Variants in TTLL5 observed in about 807,000 individuals in gnomAD.
The protein encoded by TTLL5 is tubulin polyglutamylase TTLL5.
A neutral mutation model predicts 168.4 loss-of-function variants in TTLL5; 132 were observed. The ratio of observed to expected loss-of-function variants is 0.78; its 90% CI spans 0.68 to 0.91. The LOEUF is 0.91. Ranked by LOEUF, TTLL5 falls within the 40% of genes least tolerant of loss-of-function variation. TTLL5 has a pLI of 0.00. For missense variants in TTLL5, 1,545 were observed against 1,581.5 expected (o/e 0.98, Z 0.39); for synonymous variants, 546 against 558.6 (o/e 0.98, Z 0.32).
chr14:75,919,251 T>C lies in TTLL5; in HGVS notation c.3823+17027T>C, dbSNP rs557694057. On this transcript the variant is annotated intron_variant, in intron 31 of 31. Coordinates refer to ENST00000298832, the MANE Select transcript of TTLL5 (RefSeq NM_015072.5). ...AAAGAAAAAGAAAAGAAAAGCTTCC[T>C]TGTGCTCAGGTCTTTGCTGAGATTC... is the stretch of plus-strand genomic sequence containing the variant. 1.1e-4 allele frequency among the ~76,000 whole-genome samples: 16 copies of C among 149,022 alleles called. No homozygotes were observed. In the East Asian group the frequency reaches 2.5e-3, roughly 24 times the overall value.
intron 31 of TTLL5, among the ~76,000 whole-genome samples, chr14:75,947,146 G>C (rs984399841): frequency 6.6e-6 from 1 of 152,200 alleles, no homozygotes; most frequent in Non-Finnish European, 1.5e-5. Context: ...TGCTATATCA[G>C]GCAGGGACAA....
intron 5 of TTLL5, chr14:75,689,941 CAT>C (rs1196880148): frequency 8.1e-6 from 3 of 371,956 alleles, no homozygotes; most frequent in Non-Finnish European, 1.4e-5. Flanking sequence ...TGTCCAAACT[CAT>C]AGAATTACAC....
intron 31 of TTLL5, among the ~76,000 whole-genome samples, chr14:75,925,895 C>G (rs190331569): frequency 6.6e-6 from 1 of 152,056 alleles, no homozygotes; most frequent in Non-Finnish European, 1.5e-5. Flanking sequence ...CAAAAAAGTA[C>G]GAAAACCAGT....
At chr14:75,824,728 T>TG (rs1491400103) in intron 28 of TTLL5, among the ~76,000 whole-genome samples, 4 of 98,356 alleles carry the variant, frequency 4.1e-5, no homozygotes, top group African/African-American at 2.1e-4. Context: ...AAATTATGTG[T>TG]TTTTTTTTTT....
chr14:75,799,046 A>AG (rs936832316), intron 27 of TTLL5, among the ~76,000 whole-genome samples: 1 of 152,050 alleles, frequency 6.6e-6, no homozygotes, highest in Non-Finnish European at 1.5e-5. Flanking sequence ...TGACCTGCCT[A>AG]GTGCTGTCAG....
At chr14:75,697,367 A>G (rs1885946582) in intron 6 of TTLL5, among the ~76,000 whole-genome samples, 1 of 152,248 alleles carries the variant, frequency 6.6e-6, no homozygotes, top group Non-Finnish European at 1.5e-5. Context: ...GAGTAGAACT[A>G]GAGGATATAG....
At chr14:75,685,593 T>G (rs919715476) in intron 5 of TTLL5, among the ~76,000 whole-genome samples, 1 of 152,152 alleles carries the variant, frequency 6.6e-6, no homozygotes, top group Non-Finnish European at 1.5e-5. Flanking sequence ...GAGAGTGCAT[T>G]CTTTTTCTTA....
rs2035055601 is a variant in TTLL5 at position 75,954,479 on chromosome 14, C to T, written c.*33C>T. ...ACACACAGAGAAACAACCTGTTCAC[C>T]ACTCCTGGGTGCATGATTGAGGGTG... On this transcript the variant is annotated 3_prime_UTR_variant, in exon 32 of 32. Transcript: ENST00000298832. 3.7e-6 allele frequency: 6 copies of T among 1,612,668 alleles called. No homozygotes were observed. The highest frequency in any genetic ancestry group is 5.1e-6 in the Non-Finnish European group (6 of 1,178,868).
At chr14:75,718,013 G>A in intron 10 of TTLL5, 51 bp downstream of exon 10, 3 of 1,542,808 alleles carry the variant, frequency 1.9e-6, no homozygotes, top group Non-Finnish European at 2.7e-6. Context: ...TCAGATGTGG[G>A]TGTTGTAGAG....
At chr14:75,667,886 G>A (rs1229013196) in intron 2 of TTLL5, among the ~76,000 whole-genome samples, 9 of 148,686 alleles carry the variant, frequency 6.1e-5, no homozygotes, top group Admixed American at 1.4e-4. Flanking sequence ...TCAGCCTCCC[G>A]AGTAGCTGGG....
At chr14:75,949,483 T>A (rs961431367) in intron 31 of TTLL5, among the ~76,000 whole-genome samples, 1 of 147,854 alleles carries the variant, frequency 6.8e-6, no homozygotes, top group East Asian at 1.9e-4. Context: ...ATATAAAGAA[T>A]ATATATATAT....
intron 28 of TTLL5, among the ~76,000 whole-genome samples, chr14:75,856,152 C>T (rs574348002): frequency 3.3e-5 from 5 of 152,334 alleles, no homozygotes; most frequent in East Asian, 3.9e-4. Flanking sequence ...CACCTGAGGT[C>T]GGGAGTTCAA....
chr14:75,954,183 G>T lies in TTLL5; in HGVS notation c.3824-241G>T, dbSNP rs113326663. Among the ~76,000 whole-genome samples, 28 of 149,562 alleles carry T rather than the reference G, an allele frequency of 1.9e-4. 1 individual carries two copies. Among genetic ancestry groups the T allele is most frequent in the African/African-American group, 6.9e-4 (28 of 40,586 alleles). ...CAGGAGAATGGTGTGAACCCGGGAGGCGGAGCTTGCAGTGAGCCGAGATCG... is the reference window on the plus strand; with the variant it reads ...CAGGAGAATGGTGTGAACCCGGGAGTCGGAGCTTGCAGTGAGCCGAGATCG... On this transcript the variant is annotated intron_variant, in intron 31 of 31. Coordinates refer to ENST00000298832, the MANE Select transcript of TTLL5 (RefSeq NM_015072.5).
At chr14:75,935,023 A>C (rs1479321378) in intron 31 of TTLL5, among the ~76,000 whole-genome samples, 1 of 152,224 alleles carries the variant, frequency 6.6e-6, no homozygotes, top group Non-Finnish European at 1.5e-5. Flanking sequence ...ACTTTACAAG[A>C]GAAGGATTGG....
chr14:75,740,916 A>G (rs1354632957), intron 15 of TTLL5, among the ~76,000 whole-genome samples: 3 of 152,186 alleles, frequency 2.0e-5, no homozygotes. Context: ...TTCTCTGTCA[A>G]GCAAATTTTG....
chr14:75,909,451 C>G (rs1002231230), intron 31 of TTLL5, among the ~76,000 whole-genome samples: 4 of 151,752 alleles, frequency 2.6e-5, no homozygotes, highest in African/African-American at 9.7e-5. Flanking sequence ...GCTTTTCCCC[C>G]CACTGCTGTC....
intron 20 of TTLL5, among the ~76,000 whole-genome samples, chr14:75,769,698 C>T (rs1321055978): frequency 6.6e-6 from 1 of 152,174 alleles, no homozygotes; most frequent in Non-Finnish European, 1.5e-5. Context: ...GTGTCTGAAA[C>T]ATGCTATTTC....
intron 27 of TTLL5, among the ~76,000 whole-genome samples, chr14:75,815,415 G>C (rs997683161): frequency 6.6e-6 from 1 of 152,174 alleles, no homozygotes; most frequent in African/African-American, 2.4e-5. Context: ...AATCACAGTG[G>C]CTGCCACTTC....
rs202149877 is a variant in TTLL5, at chr14:75,763,253, C to CTGTGTGTG, written c.1551-1361_1551-1360insGTGTGTGT. Among the ~76,000 whole-genome samples the CTGTGTGTG allele has an allele frequency of 8.9e-3, 1,298 of 145,452 alleles. 9 individuals carry two copies. Among genetic ancestry groups the CTGTGTGTG allele is most frequent in the African/African-American group, 0.025 (964 of 39,318 alleles). On this transcript the variant is annotated intron_variant, in intron 18 of 31. Coordinates refer to ENST00000298832, the MANE Select transcript of TTLL5 (RefSeq NM_015072.5). Reference sequence around the variant, plus strand: ...TAAAAGTTTATTTCTATAGCTCTCTCTCTGTGTGTGTGTGTGTGTGTGTGT... The same window carrying CTGTGTGTG: ...TAAAAGTTTATTTCTATAGCTCTCTCTGTGTGTGTCTGTGTGTGTGTGTGTGTGTGTGT...
Sources: allele counts gnomAD v4.1 joint callset (sites outside exome capture counted in the v4.1 genomes callset), GRCh38; gene constraint gnomAD v4.1.1; transcripts MANE v1.5; gene names NCBI Gene and HGNC (gene_info 2026-07-23, HGNC 2026-07-21).